Variants in GRID1 observed in about 807,000 individuals in gnomAD.
The protein encoded by GRID1 is glutamate receptor ionotropic, delta-1.
In GRID1, 28 loss-of-function variants were observed where a neutral mutation model predicts 98.0. That is an observed-to-expected ratio of 0.29 (90% CI 0.21 to 0.39). GRID1 has a LOEUF of 0.39. GRID1 is among the 10% of genes least tolerant of loss of function. The pLI is 1.00. For synonymous variants in GRID1, 553 were observed against 538.5 expected (o/e 1.03, Z -0.37); for missense variants, 1,111 against 1,340.5 (o/e 0.83, Z 2.67).
chr10:85,658,442 G>A (rs772705124), intron 12 of GRID1, among the ~76,000 whole-genome samples: 1 of 152,176 alleles, frequency 6.6e-6, no homozygotes, highest in South Asian at 2.1e-4. Context: ...AAGGCTTCAG[G>A]AGATTAAGGA....
chr10:86,291,843 G>A lies in GRID1; in HGVS notation c.235+72098C>T, dbSNP rs774180091. 2.6e-4 allele frequency among the ~76,000 whole-genome samples: 39 copies of A among 152,314 alleles called. 1 individual carries two copies. The highest frequency in any genetic ancestry group is 1.0e-3 in the South Asian group (5 of 4,824). ...CAGCACAGCAAGGTCTGGGGCGGGG[G>A]CAGGTGGCAGCAATTCAACATGCGG... On this transcript the variant is annotated intron_variant, in intron 2 of 15. Transcript: ENST00000327946.
chr10:86,120,088 T>C (rs914892915), intron 4 of GRID1, among the ~76,000 whole-genome samples: 3 of 152,174 alleles, frequency 2.0e-5, no homozygotes, highest in African/African-American at 4.8e-5. Context: ...TGTAAGCCAC[T>C]GCGCCCAGCC....
chr10:86,366,090 G>A lies in GRID1; in HGVS notation c.79+224C>T, dbSNP rs1201085549. ...GGCCCTAAGTGTCGGTAGAGGCCGC[G>A]GGGCCCCGCGCGGAGATCGGAGCCC... On this transcript the variant is annotated intron_variant, in intron 1 of 15. Coordinates refer to ENST00000327946, the MANE Select transcript of GRID1 (RefSeq NM_017551.3). This position sits in a 1 kb window ranked among gnomAD's most constrained non-coding sequence, Gnocchi z 4.1. 6.6e-6 allele frequency among the ~76,000 whole-genome samples: 1 copy of A among 151,980 alleles called. No individual in the cohort carries two copies. Among genetic ancestry groups the A allele is most frequent in the Non-Finnish European group, 1.5e-5 (1 of 67,946 alleles).
At chr10:86,313,071 G>A (rs1847853348) in intron 2 of GRID1, among the ~76,000 whole-genome samples, 1 of 152,190 alleles carries the variant, frequency 6.6e-6, no homozygotes, top group South Asian at 2.1e-4. Context: ...GAGGCCAGGT[G>A]GGTTGGACAG....
rs770822815 is a variant in GRID1 at position 85,825,421 on chromosome 10, A to T, written c.1233+29075T>A. ...TTGCTGATTTATTTGAGCTTCTTGT[A>T]GATTCTGGATATTAGTCATTTGTCA... On this transcript the variant is annotated intron_variant, in intron 8 of 15. Transcript: ENST00000327946. Among the ~76,000 whole-genome samples the T allele has an allele frequency of 1.8e-4, 27 of 150,852 alleles. 1 individual carries two copies. Among genetic ancestry groups the T allele is most frequent in the Non-Finnish European group, 7.4e-5 (5 of 67,812 alleles).
At chr10:86,282,850 C>A (rs1564728062) in intron 2 of GRID1, among the ~76,000 whole-genome samples, 1 of 152,114 alleles carries the variant, frequency 6.6e-6, no homozygotes, top group Non-Finnish European at 1.5e-5. Context: ...GCAGAGAAAC[C>A]CTCCAAGAGT....
At chr10:86,335,940 G>C (rs758979526) in intron 2 of GRID1, among the ~76,000 whole-genome samples, 1 of 152,256 alleles carries the variant, frequency 6.6e-6, no homozygotes, top group Non-Finnish European at 1.5e-5. Flanking sequence ...TCCCAACACA[G>C]GGTAAACCCT....
At chr10:86,001,976 C>T (rs1842807197) in intron 4 of GRID1, among the ~76,000 whole-genome samples, 1 of 152,198 alleles carries the variant, frequency 6.6e-6, no homozygotes. Flanking sequence ...TAACTCCAAT[C>T]TCTGCCTCCC....
At chr10:85,957,779 A>T (rs759315391) in intron 4 of GRID1, among the ~76,000 whole-genome samples, 7 of 151,972 alleles carry the variant, frequency 4.6e-5, no homozygotes, top group Non-Finnish European at 8.8e-5. Flanking sequence ...TTCCCAGGTA[A>T]CTCTTCCCCT....
chr10:86,105,438 G>A (rs542057588), intron 4 of GRID1, among the ~76,000 whole-genome samples: 3 of 152,296 alleles, frequency 2.0e-5, no homozygotes, highest in South Asian at 4.1e-4. Flanking sequence ...TCTGCACCAC[G>A]CTATCTCTTC....
intron 8 of GRID1, among the ~76,000 whole-genome samples, chr10:85,837,764 A>G (rs1842923480): frequency 6.6e-6 from 1 of 152,228 alleles, no homozygotes; most frequent in Non-Finnish European, 1.5e-5. Flanking sequence ...TTTCCTCCAA[A>G]TGACCGCATC....
intron 5 of GRID1, among the ~76,000 whole-genome samples, chr10:85,879,573 C>T (rs1289362015): frequency 5.9e-5 from 9 of 152,016 alleles, no homozygotes; most frequent in Middle Eastern, 3.4e-3. Flanking sequence ...TTGAAACCAA[C>T]GAGAACAAAG....
intron 4 of GRID1, among the ~76,000 whole-genome samples, chr10:86,016,193 C>T (rs1842977929): frequency 6.7e-6 from 1 of 148,276 alleles, no homozygotes; most frequent in South Asian, 2.2e-4. Context: ...GTTGCCCAGG[C>T]TGGAGTGCAG....
chr10:86,263,305 C>T (rs373767747), intron 2 of GRID1, among the ~76,000 whole-genome samples: 100 of 152,366 alleles, frequency 6.6e-4, no homozygotes, highest in African/African-American at 2.0e-3. Context: ...CGCCACGGCG[C>T]GCAACGTTGC....
At chr10:85,628,515 T>G (rs1189445507) in intron 13 of GRID1, among the ~76,000 whole-genome samples, 2 of 152,098 alleles carry the variant, frequency 1.3e-5, no homozygotes, top group African/African-American at 2.4e-5. Flanking sequence ...TCAGAAAAAG[T>G]GGACCTTCAG....
rs115616808 is a variant in GRID1, at chr10:85,941,014, A to G, written c.727-24775T>C. ...GAAGGCCAGATCACAGGATGGGGAG[A>G]CTGGAGAAGAATTGTATGTATTAAG... On this transcript the variant is annotated intron_variant, in intron 4 of 15. Transcript: ENST00000327946. Among the ~76,000 whole-genome samples the G allele has an allele frequency of 3.1e-3, 466 of 152,300 alleles. 2 individuals are homozygous for G. Among genetic ancestry groups the G allele is most frequent in the African/African-American group, 0.01 (433 of 41,556 alleles).
intron 4 of GRID1, among the ~76,000 whole-genome samples, chr10:86,120,283 C>A (rs563500990): frequency 6.6e-6 from 1 of 152,308 alleles, no homozygotes; most frequent in South Asian, 2.1e-4. Context: ...ACCCTTGCTG[C>A]CCCACTGTTT....
intron 2 of GRID1, among the ~76,000 whole-genome samples, chr10:86,291,370 G>A (rs1437568910): frequency 6.6e-6 from 1 of 152,224 alleles, no homozygotes; most frequent in East Asian, 1.9e-4. Context: ...CTAGAGGAAG[G>A]GAAGCTGAGG....
At chr10:86,217,480 G>A (rs1195435014) in intron 2 of GRID1, among the ~76,000 whole-genome samples, 2 of 152,116 alleles carry the variant, frequency 1.3e-5, no homozygotes, top group African/African-American at 2.4e-5. Flanking sequence ...TTAGAGACTC[G>A]GCCAAGTAGA....
Sources: allele counts gnomAD v4.1 joint callset (sites outside exome capture counted in the v4.1 genomes callset), GRCh38; gene constraint gnomAD v4.1.1; non-coding constraint Gnocchi (gnomAD v3.1); transcripts MANE v1.5; gene names NCBI Gene and HGNC (gene_info 2026-07-23, HGNC 2026-07-21).